The following GABBR2 variants were observed in gnomAD, a reference collection of about 807,000 sequenced individuals.
The protein encoded by GABBR2 is G-protein coupled receptor 51.
GABBR2 carries 23 observed loss-of-function variants against 105.6 expected under a neutral mutation model. The observed-to-expected ratio is 0.22, with a 90% CI of 0.16 to 0.31. The LOEUF (loss-of-function observed/expected upper bound fraction) is 0.31, where lower values mean the gene tolerates loss of function less well. GABBR2 is among the 10% of genes least tolerant of loss of function. GABBR2 has a pLI of 1.00. For missense variants in GABBR2, 734 were observed against 1,245.5 expected (o/e 0.59, Z 6.18); for synonymous variants, 478 against 499.7 (o/e 0.96, Z 0.58).
At chr9:98,671,653 T>A (rs1830408798) in intron 1 of GABBR2, among the ~76,000 whole-genome samples, 1 of 152,186 alleles carries the variant, frequency 6.6e-6, no homozygotes, top group African/African-American at 2.4e-5. Flanking sequence ...CACCAGCACT[T>A]GTTATTATCT....
At chr9:98,439,121 G>T (rs112474344) in intron 7 of GABBR2, among the ~76,000 whole-genome samples, 9 of 152,116 alleles carry the variant, frequency 5.9e-5, no homozygotes, top group African/African-American at 2.2e-4. Context: ...TGAAAAAAGA[G>T]TGCTTATCTC....
At chr9:98,467,514 T>C (rs1826584651) in intron 6 of GABBR2, among the ~76,000 whole-genome samples, 1 of 152,080 alleles carries the variant, frequency 6.6e-6, no homozygotes, top group Non-Finnish European at 1.5e-5. Flanking sequence ...TCTGGGGAGT[T>C]CTATTTTTCC....
At chr9:98,690,714 C>A (rs1312117403) in intron 1 of GABBR2, among the ~76,000 whole-genome samples, 1 of 152,202 alleles carries the variant, frequency 6.6e-6, no homozygotes, top group East Asian at 1.9e-4. Context: ...AAACCCAGGA[C>A]TTAGCCCATC....
At chr9:98,707,451 C>T (rs1830911161) in intron 1 of GABBR2, 1 of 152,374 alleles carries the variant, frequency 6.6e-6, no homozygotes, top group Non-Finnish European at 1.5e-5. Flanking sequence ...CTTGCGCGGC[C>T]AGCGATCGCT....
intron 7 of GABBR2, among the ~76,000 whole-genome samples, chr9:98,420,337 C>T (rs540740904): frequency 1.8e-4 from 27 of 152,188 alleles, no homozygotes; most frequent in African/African-American, 5.5e-4. Flanking sequence ...CAGCCTCAGC[C>T]GGCCTCGACT....
chr9:98,405,762 AACG>A (rs1809006955), intron 8 of GABBR2, among the ~76,000 whole-genome samples: 2 of 152,244 alleles, frequency 1.3e-5, no homozygotes, highest in South Asian at 4.1e-4. Context: ...TTTAGGGAAT[AACG>A]ACAAGAAAAA....
chr9:98,667,358 G>A (rs1192673029), intron 1 of GABBR2, among the ~76,000 whole-genome samples: 2 of 152,100 alleles, frequency 1.3e-5, no homozygotes, highest in Non-Finnish European at 2.9e-5. Context: ...GGTGGGGTGG[G>A]GCTGCCATCC....
chr9:98,573,299 T>C lies in GABBR2; in HGVS notation c.459+4636A>G, dbSNP rs1328168068. Among the ~76,000 whole-genome samples, 5 of 152,208 alleles carry C rather than the reference T, an allele frequency of 3.3e-5. No individual in the cohort carries two copies. In the East Asian group the frequency reaches 9.6e-4, roughly 29 times the overall value. On this transcript the variant is annotated intron_variant, in intron 2 of 18. Transcript: ENST00000259455. ...TCACAACACTTATTATTTTTTTTAATAGAGGCAGGGTATCGCTTTTTCGCC... is the reference window on the plus strand; with the variant it reads ...TCACAACACTTATTATTTTTTTTAACAGAGGCAGGGTATCGCTTTTTCGCC...
At chr9:98,356,825 A>G (rs1831493384) in intron 13 of GABBR2, among the ~76,000 whole-genome samples, 1 of 152,256 alleles carries the variant, frequency 6.6e-6, no homozygotes, top group African/African-American at 2.4e-5. Flanking sequence ...GACATTATTC[A>G]GTGATAAAAA....
At chr9:98,462,793 AC>A (rs1257946267) in intron 6 of GABBR2, among the ~76,000 whole-genome samples, 1 of 152,196 alleles carries the variant, frequency 6.6e-6, no homozygotes, top group Non-Finnish European at 1.5e-5. Context: ...TCAGAATTCC[AC>A]CCCAAGTATG....
intron 9 of GABBR2, among the ~76,000 whole-genome samples, chr9:98,389,320 A>G (rs140063200): frequency 6.6e-6 from 1 of 152,352 alleles, no homozygotes; most frequent in East Asian, 1.9e-4. Context: ...CAAGGCAACA[A>G]CGGCCTGGAA....
At chr9:98,341,473 C>T (rs1831212598) in intron 13 of GABBR2, among the ~76,000 whole-genome samples, 1 of 152,208 alleles carries the variant, frequency 6.6e-6, no homozygotes. Flanking sequence ...CTAAATACAA[C>T]AGGACAGTTA....
intron 6 of GABBR2, among the ~76,000 whole-genome samples, chr9:98,463,596 G>A (rs973148536): frequency 1.3e-4 from 6 of 45,336 alleles, no homozygotes; most frequent in Admixed American, 1.2e-3. Flanking sequence ...TCGCCCTCTC[G>A]CTCTCCGTCT....
At chr9:98,356,114 C>A (rs1310134846) in intron 13 of GABBR2, among the ~76,000 whole-genome samples, 1 of 152,014 alleles carries the variant, frequency 6.6e-6, no homozygotes, top group Non-Finnish European at 1.5e-5. Flanking sequence ...AGAAAAAAAT[C>A]AAGGTAACTT....
chr9:98,309,557 G>A (rs1329351238), intron 14 of GABBR2, among the ~76,000 whole-genome samples: 1 of 152,210 alleles, frequency 6.6e-6, no homozygotes, highest in Non-Finnish European at 1.5e-5. Context: ...ACATGGAGAT[G>A]GAGTCTGCCT....
chr9:98,302,171 G>A (rs1393887492), intron 16 of GABBR2, among the ~76,000 whole-genome samples: 1 of 152,180 alleles, frequency 6.6e-6, no homozygotes, highest in Non-Finnish European at 1.5e-5. Context: ...AGCTAGAGAC[G>A]ACGTTTCCCA....
chr9:98,390,765 C>T (rs1163096397), intron 9 of GABBR2, among the ~76,000 whole-genome samples: 1 of 152,056 alleles, frequency 6.6e-6, no homozygotes, highest in Non-Finnish European at 1.5e-5. Flanking sequence ...TGGAAACAAG[C>T]CCTTCTATGG....
chr9:98,540,065 G>A (rs529902682), intron 3 of GABBR2, among the ~76,000 whole-genome samples: 6 of 152,120 alleles, frequency 3.9e-5, no homozygotes, highest in Non-Finnish European at 7.4e-5. Flanking sequence ...AACATTTCTC[G>A]CTTCTCTATG....
intron 6 of GABBR2, among the ~76,000 whole-genome samples, chr9:98,465,319 G>C (rs1029377773): frequency 1.5e-4 from 23 of 151,890 alleles, no homozygotes; most frequent in Non-Finnish European, 3.2e-4. Context: ...GGGTCAATTA[G>C]ATATCCATGT....
Sources: gnomAD v4.1 joint callset for allele counts (sites outside exome capture counted in the v4.1 genomes callset) on GRCh38, gnomAD v4.1.1 for gene constraint, MANE v1.5 for transcripts, NCBI Gene and HGNC (gene_info 2026-07-23, HGNC 2026-07-21) for gene names.